The following TMEM117 variants were observed in gnomAD, a reference collection of about 807,000 sequenced individuals.
TMEM117 encodes transmembrane protein 117.
TMEM117 carries 27 observed loss-of-function variants against 52.4 expected under a neutral mutation model. That is an observed-to-expected ratio of 0.51 (90% CI 0.38 to 0.71). The LOEUF (loss-of-function observed/expected upper bound fraction) is 0.71. Among genes scored for constraint, TMEM117 ranks in the 30% least tolerant of loss-of-function variants. The pLI is 0.00. For missense variants in TMEM117, 556 were observed against 630.5 expected, an observed-to-expected ratio of 0.88 and a Z score of 1.26; for synonymous variants, 215 against 206.3, an observed-to-expected ratio of 1.04 and a Z score of -0.36.
chr12:44,216,000 TC>T (rs1949711922), intron 5 of TMEM117, among the ~76,000 whole-genome samples: 1 of 136,976 alleles, frequency 7.3e-6, no homozygotes, highest in African/African-American at 3.2e-5. Flanking sequence ...TTTCTTTCTT[TC>T]TTTCTTTTTT....
intron 7 of TMEM117, among the ~76,000 whole-genome samples, chr12:44,386,798 C>G (rs1344512042): frequency 2.6e-5 from 4 of 151,878 alleles, no homozygotes; most frequent in Non-Finnish European, 5.9e-5. Context: ...AAGTATTTAG[C>G]CTTACATATA....
At chr12:44,241,814 TC>T (rs2138483315) in intron 5 of TMEM117, among the ~76,000 whole-genome samples, 1 of 152,150 alleles carries the variant, frequency 6.6e-6, no homozygotes, top group African/African-American at 2.4e-5. Context: ...TCTCTGGACT[TC>T]CTAGTCTTCT....
At chr12:43,941,009 C>T (rs754014378) in intron 2 of TMEM117, among the ~76,000 whole-genome samples, 30 of 152,270 alleles carry the variant, frequency 2.0e-4, no homozygotes, top group Non-Finnish European at 4.0e-4. Context: ...TGTGCCCTCC[C>T]ACCCTCTCCT....
chr12:43,976,692 G>A (rs1373042233), intron 3 of TMEM117, among the ~76,000 whole-genome samples: 1 of 152,040 alleles, frequency 6.6e-6, no homozygotes, highest in African/African-American at 2.4e-5. Flanking sequence ...AAGAAGGTTT[G>A]CCTTTTTCCC....
chr12:43,893,305 T>A (rs537991197), intron 2 of TMEM117, among the ~76,000 whole-genome samples: 132 of 152,332 alleles, frequency 8.7e-4, no homozygotes, highest in African/African-American at 3.1e-3. Flanking sequence ...AATGCTTTTC[T>A]AGAAGTCTTA....
At chr12:44,231,949 C>T (rs540590275) in intron 5 of TMEM117, among the ~76,000 whole-genome samples, 1 of 151,734 alleles carries the variant, frequency 6.6e-6, no homozygotes, top group African/African-American at 2.4e-5. Flanking sequence ...GCTCTATCTC[C>T]CTTAACAATT....
intron 6 of TMEM117, among the ~76,000 whole-genome samples, chr12:44,335,034 G>A (rs999865819): frequency 6.6e-6 from 1 of 152,010 alleles, no homozygotes; most frequent in Admixed American, 6.6e-5. Context: ...GAAAATTTGG[G>A]ACTTTGGAGA....
At position 43,844,867 on chromosome 12, in the gene TMEM117, G is replaced by C. The variant is rs750237516; in HGVS notation, c.216G>C (p.Trp72Cys). The part of the protein sequence containing the change: ...VGWRILKVLL[W>C]LLAILTGLIA... ...GGAGGATTTTGAAGGTGCTTCTATG[G>C]CTACTTGCCATTCTCACAGGACTAA... is the stretch of plus-strand genomic sequence containing the variant. The change falls in exon 2 of 8, where the codon TGG (tryptophan) becomes TGC (cysteine). Residue 72 changes from tryptophan (W) to cysteine (C), a missense_variant. Trp to Cys is a radical substitution (Grantham distance 215, BLOSUM62 -2). Coordinates refer to ENST00000266534, the MANE Select transcript of TMEM117 (RefSeq NM_032256.3). The C allele has an allele frequency of 6.2e-7, 1 of 1,614,182 alleles. No individual in the cohort carries two copies. Among genetic ancestry groups the C allele is most frequent in the South Asian group, 1.1e-5 (1 of 91,086 alleles).
intron 3 of TMEM117, among the ~76,000 whole-genome samples, chr12:44,105,647 C>T (rs776844090): frequency 7.2e-5 from 11 of 151,990 alleles, no homozygotes; most frequent in East Asian, 1.9e-4. Flanking sequence ...TAGCCTTGGA[C>T]TGTGAACTTG....
At chr12:44,383,493 A>T (rs570479807) in intron 7 of TMEM117, among the ~76,000 whole-genome samples, 1 of 152,294 alleles carries the variant, frequency 6.6e-6, no homozygotes, top group South Asian at 2.1e-4. Flanking sequence ...AAAAACCAAA[A>T]AAGAGGTAAT....
At chr12:43,995,525 T>C (rs188560965) in intron 3 of TMEM117, among the ~76,000 whole-genome samples, 4 of 152,344 alleles carry the variant, frequency 2.6e-5, no homozygotes, top group East Asian at 1.9e-4. Flanking sequence ...ACTTGTCTTC[T>C]TGTTTTTTAA....
the TMEM117 span, among the ~76,000 whole-genome samples, chr12:43,823,434 C>T: frequency 6.6e-6 from 1 of 152,298 alleles, no homozygotes; most frequent in African/African-American, 2.4e-5. Flanking sequence ...AGGATAACTA[C>T]ATTTTTTGGT....
intron 6 of TMEM117, among the ~76,000 whole-genome samples, chr12:44,374,192 G>A (rs773257026): frequency 2.1e-4 from 32 of 152,082 alleles, no homozygotes; most frequent in Admixed American, 6.5e-5. Context: ...ACACTCACTC[G>A]AGAATGATGA....
chr12:43,808,214 T>C, the TMEM117 span, among the ~76,000 whole-genome samples: 2 of 152,234 alleles, frequency 1.3e-5, no homozygotes, highest in Non-Finnish European at 2.9e-5. Flanking sequence ...TCTCTTCTTT[T>C]TCTCCAAATA....
chr12:43,839,940 G>A (rs1400449393), intron 1 of TMEM117, among the ~76,000 whole-genome samples: 1 of 152,098 alleles, frequency 6.6e-6, no homozygotes, highest in Non-Finnish European at 1.5e-5. Flanking sequence ...ATCTTTGTTG[G>A]ACTGGCTCCA....
chr12:44,162,946 A>C (rs1018396110), intron 4 of TMEM117, among the ~76,000 whole-genome samples: 1 of 152,244 alleles, frequency 6.6e-6, no homozygotes, highest in African/African-American at 2.4e-5. Flanking sequence ...GGTCACCAAC[A>C]TTGGAAAAAT....
intron 6 of TMEM117, among the ~76,000 whole-genome samples, chr12:44,301,980 A>C (rs947558352): frequency 1.3e-5 from 2 of 152,204 alleles, no homozygotes; most frequent in African/African-American, 4.8e-5. Flanking sequence ...AATTAGCCCC[A>C]AAATTTAGGT....
chr12:43,998,267 G>A (rs1394559811), intron 3 of TMEM117, among the ~76,000 whole-genome samples: 2 of 152,222 alleles, frequency 1.3e-5, no homozygotes, highest in Non-Finnish European at 2.9e-5. Flanking sequence ...GAAAGGCAAG[G>A]ACTGGAAATG....
chr12:44,388,096 A>G lies in TMEM117; in HGVS notation c.969A>G (p.Ile323Met), dbSNP rs745947163. The change falls in exon 8 of 8, where the codon ATA becomes ATG. Residue 323 changes from isoleucine to methionine, a missense_variant. Transcript: ENST00000266534. ...ATCTTAATATGTGGAAGAACCAAATATTTTATAAACCTCATGAATATGGGC... is the reference window on the plus strand; with the variant it reads ...ATCTTAATATGTGGAAGAACCAAATGTTTTATAAACCTCATGAATATGGGC... ...ILDLNMWKNQ[I>M]FYKPHEYGQY... 4.3e-5 allele frequency: 70 copies of G among 1,612,880 alleles called. 1 individual carries two copies. In the South Asian group the frequency reaches 6.9e-4, roughly 16 times the overall value.
Sources: allele counts gnomAD v4.1 joint callset (sites outside exome capture counted in the v4.1 genomes callset), GRCh38; gene constraint gnomAD v4.1.1; transcripts MANE v1.5; gene names NCBI Gene and HGNC (gene_info 2026-07-23, HGNC 2026-07-21).